ARID1A: variants seen among roughly 807,000 people sequenced by gnomAD.
ARID1A encodes the protein AT-rich interaction domain 1A, also known as AT-rich interactive domain-containing protein 1A.
In ARID1A, 20 loss-of-function variants were observed where a neutral mutation model predicts 212.6. That is an observed-to-expected ratio of 0.09 (90% confidence interval 0.07 to 0.14). The LOEUF (loss-of-function observed/expected upper bound fraction) is 0.14, where lower values mean the gene tolerates loss of function less well. Ranked by LOEUF, ARID1A falls within the 10% of genes least tolerant of loss-of-function variation. The pLI is 1.00. For missense variants in ARID1A, 2,587 were observed against 3,059.0 expected, an observed-to-expected ratio of 0.85 and a Z score of 3.64; for synonymous variants, 1,376 against 1,222.1, an observed-to-expected ratio of 1.13 and a Z score of -2.63.
rs1553145901 is a variant in ARID1A at position 26,696,650 on chromosome 1, G to GGCGGCGGCGGCGGAGCCGGCA, written c.258_278dup (p.Gly87_Gly93dup). On this transcript the variant is annotated inframe_insertion, in exon 1 of 20. Transcript: ENST00000324856. Reference sequence around the variant, plus strand: ...GGACGGGGCCGAGAGCAATGGGGGTGGCGGCGGCGGCGGAGCCGGCAGCGG... The same window carrying GGCGGCGGCGGCGGAGCCGGCA: ...GGACGGGGCCGAGAGCAATGGGGGTGGCGGCGGCGGCGGAGCCGGCAGCGGCGGCGGCGGAGCCGGCAGCGG... 1 of 1,303,784 alleles carries GGCGGCGGCGGCGGAGCCGGCA rather than the reference G, an allele frequency of 7.7e-7. No individual in the cohort carries two copies. Among genetic ancestry groups the GGCGGCGGCGGCGGAGCCGGCA allele is most frequent in the Non-Finnish European group, 9.7e-7 (1 of 1,029,894 alleles). 80.8% of individuals were successfully genotyped at this position (1,303,784 alleles called of 1,614,324 possible).
At chr1:26,716,368 G>A (rs776326283) in intron 1 of ARID1A, among the ~76,000 whole-genome samples, 4 of 152,032 alleles carry the variant, frequency 2.6e-5, no homozygotes, top group Non-Finnish European at 5.9e-5. Flanking sequence ...TTTCTAGTGG[G>A]GAAAAATATG....
In ARID1A at chr1:26,774,904, C is replaced by A. The variant is rs2124121459; in HGVS notation, c.4677C>A (p.Ala1559=). 1 of 1,554,052 alleles carries A rather than the reference C, an allele frequency of 6.4e-7. No individual in the cohort carries two copies. The highest frequency in any genetic ancestry group is 8.7e-7 in the Non-Finnish European group (1 of 1,150,378). ...GTRQPPYGPS[A]PVPPMTRPPP... is the part of the protein sequence containing the mutation. The stretch of plus-strand genomic sequence containing the variant: ...GCCAGCCCCCATATGGTCCCTCTGC[C>A]CCTGTGCCCCCCATGACAAGGCCCC... Residue 1559 remains alanine (A), a synonymous_variant, in exon 18 of 20, where the codon GCC becomes GCA. Coordinates refer to ENST00000324856, the MANE Select transcript of ARID1A (RefSeq NM_006015.6). This position sits in a 1 kb window ranked among gnomAD's most constrained non-coding sequence, Gnocchi z 5.6.
At chr1:26,736,181 A>G (rs926581892) in intron 4 of ARID1A, among the ~76,000 whole-genome samples, 4 of 151,536 alleles carry the variant, frequency 2.6e-5, no homozygotes, top group Non-Finnish European at 5.9e-5. Flanking sequence ...AAAATTAGCC[A>G]GGCATGGCAG....
intron 1 of ARID1A, among the ~76,000 whole-genome samples, chr1:26,710,034 G>A (rs1289157927): frequency 4.1e-5 from 6 of 146,924 alleles, no homozygotes; most frequent in South Asian, 4.7e-4. Context: ...GTTTCACCAC[G>A]TTGGCCAGGC....
intron 4 of ARID1A, among the ~76,000 whole-genome samples, chr1:26,746,114 T>C (rs548038439): frequency 1.3e-5 from 2 of 152,330 alleles, no homozygotes; most frequent in South Asian, 4.1e-4. Context: ...GTATTCTCTT[T>C]GGAGAAAGGG....
chr1:26,761,139 G>T, intron 5 of ARID1A, 43 bp downstream of exon 5: 1 of 1,603,148 alleles, frequency 6.2e-7, no homozygotes. Flanking sequence ...AAAGGTGACT[G>T]CCCCCAGTAA....
At chr1:26,767,081 A>C (rs1411767077) in intron 10 of ARID1A, among the ~76,000 whole-genome samples, 2 of 152,140 alleles carry the variant, frequency 1.3e-5, no homozygotes, top group African/African-American at 2.4e-5. Flanking sequence ...AAAGGGTCCT[A>C]CTCAGCATTT....
chr1:26,738,388 A>C (rs1336787494), intron 4 of ARID1A, among the ~76,000 whole-genome samples: 3 of 152,130 alleles, frequency 2.0e-5, no homozygotes. Flanking sequence ...TAAATTACTT[A>C]TTTAATGCAA....
rs370907880 is a variant in ARID1A, at chr1:26,774,995, C to T, written c.4768C>T (p.Pro1590Ser). 14 of 1,560,860 alleles carry T rather than the reference C, an allele frequency of 9.0e-6. No homozygotes were observed. The African/African-American group carries it at 1.4e-4, about 15-fold the overall frequency. The change falls in exon 18 of 20, where the codon CCC becomes TCC. Residue 1590 changes from proline to serine, a missense_variant. This residue lies in a region of ARID1A where 890 missense variants were observed against 1,098.2 expected (regional missense o/e 0.81). Transcript: ENST00000324856. This position sits in a 1 kb window ranked among gnomAD's most constrained non-coding sequence, Gnocchi z 5.6. ...CATTCCTCAGGTATCCAGCCCTGCT[C>T]CCCTGCCCCGGCCAATGGAGAACCG... is the stretch of plus-strand genomic sequence containing the variant. ...NHIPQVSSPA[P>S]LPRPMENRTS... is the part of the protein sequence containing the mutation.
chr1:26,772,326 C>T lies in ARID1A; in HGVS notation c.3407-174C>T, dbSNP rs1395431592. ...CAAAAACAAAGAGCTACAAAACCCT[C>T]AGATTCCCGTCTTTATGACCTGGCC... is the stretch of plus-strand genomic sequence containing the variant. On this transcript the variant is annotated intron_variant, in intron 12 of 19. Coordinates refer to ENST00000324856, the MANE Select transcript of ARID1A (RefSeq NM_006015.6). 8 of 900,206 alleles carry T rather than the reference C, an allele frequency of 8.9e-6. No individual in the cohort carries two copies. The East Asian group carries it at 2.1e-4, about 24-fold the overall frequency. 55.8% of individuals were successfully genotyped at this position (900,206 alleles called of 1,614,324 possible).
chr1:26,730,421 T>C (rs2080663349), intron 2 of ARID1A, among the ~76,000 whole-genome samples: 1 of 152,268 alleles, frequency 6.6e-6, no homozygotes, highest in Admixed American at 6.5e-5. Flanking sequence ...GTCATTTTTG[T>C]ATTGACAAAG....
At chr1:26,778,877 A>G (rs753115004) in intron 19 of ARID1A, 146 bp from the exon 20 acceptor site, 30 of 742,736 alleles carry the variant, frequency 4.0e-5, no homozygotes, top group African/African-American at 7.0e-5. Flanking sequence ...AAGATGAACA[A>G]TTTGCTCTGT....
intron 12 of ARID1A, chr1:26,772,193 G>A (rs1008176175): frequency 2.6e-6 from 1 of 378,430 alleles, no homozygotes; most frequent in Non-Finnish European, 4.9e-6. Flanking sequence ...GTTAGACAAG[G>A]TCCTTTGGCG....
intron 4 of ARID1A, among the ~76,000 whole-genome samples, chr1:26,739,894 CT>C (rs897897613): frequency 2.0e-5 from 3 of 151,846 alleles, no homozygotes; most frequent in Admixed American, 2.0e-4. Context: ...TATCTCTCAC[CT>C]GGTGTCTTGC....
At chr1:26,725,119 G>T (rs1557588669) in intron 1 of ARID1A, among the ~76,000 whole-genome samples, 1 of 152,148 alleles carries the variant, frequency 6.6e-6, no homozygotes, top group Non-Finnish European at 1.5e-5. Flanking sequence ...TGTAATCACA[G>T]TAATCTACTC....
chr1:26,729,526 G>C (rs1471927213), intron 1 of ARID1A, 125 bp from the exon 2 acceptor site: 1 of 1,127,254 alleles, frequency 8.9e-7, no homozygotes, highest in Non-Finnish European at 1.3e-6. Context: ...TGGTCTCATT[G>C]CTCTTTCAAA....
Position 26,761,002 on chromosome 1 carries a change from G to A in ARID1A, c.2067G>A (p.Leu689=), listed in dbSNP as rs150235028. ...SPFSPHTSPH[L]PGIRGPSPSP... ...TCTCTCCTCATACCTCCCCTCACCT[G>A]CCTGGCATCCGAGGCCCTTCCCCGT... Residue 689 remains leucine, a synonymous_variant, in exon 5 of 20, where the codon CTG becomes CTA. Coordinates refer to ENST00000324856, the MANE Select transcript of ARID1A (RefSeq NM_006015.6). The A allele has an allele frequency of 6.2e-7, 1 of 1,613,984 alleles. No individual in the cohort carries two copies. Among genetic ancestry groups the A allele is most frequent in the Admixed American group, 1.7e-5 (1 of 59,996 alleles).
At chr1:26,700,997 C>T (rs2080326884) in intron 1 of ARID1A, among the ~76,000 whole-genome samples, 1 of 152,126 alleles carries the variant, frequency 6.6e-6, no homozygotes, top group African/African-American at 2.4e-5. Context: ...AGGTTCCTTT[C>T]TTTGTGTGTG....
In ARID1A at chr1:26,697,123, C is replaced by A. The variant is rs1287406697; in HGVS notation, c.720C>A (p.Gly240=). 6.9e-7 allele frequency: 1 copy of A among 1,443,894 alleles called. No homozygotes were observed. The highest frequency in any genetic ancestry group is 9.1e-7 in the Non-Finnish European group (1 of 1,103,326). 89.4% of individuals were successfully genotyped at this position (1,443,894 alleles called of 1,614,324 possible). Residue 240 remains glycine (G), a synonymous_variant, in exon 1 of 20, where the codon GGC becomes GGA. Transcript: ENST00000324856. ...GCTCCCCGAGAGGTGGCACTCCGGG[C>A]TCCGGCGCGGCGGCGGCTGCCGGCT... is the stretch of plus-strand genomic sequence containing the variant. The part of the protein sequence containing the change: ...ALSSPRGGTP[G]SGAAAAAGSK...
Sources: allele counts gnomAD v4.1 joint callset (sites outside exome capture counted in the v4.1 genomes callset), GRCh38; gene constraint gnomAD v4.1.1; regional missense constraint gnomAD v4.1.1; non-coding constraint Gnocchi (gnomAD v3.1); transcripts MANE v1.5; gene names NCBI Gene and HGNC (gene_info 2026-07-23, HGNC 2026-07-21).